The following FHIT variants were observed in gnomAD, a reference collection of about 807,000 sequenced individuals.
FHIT encodes the protein fragile histidine triad diadenosine triphosphatase.
In FHIT, 19 loss-of-function variants were observed where a neutral mutation model predicts 17.9. That is an observed-to-expected ratio of 1.06 (90% CI 0.74 to 1.56). The LOEUF (loss-of-function observed/expected upper bound fraction) is 1.56, where lower values mean the gene tolerates loss of function less well. Ranked by LOEUF, FHIT falls within the 40% of genes most tolerant of loss-of-function variation. FHIT has a pLI of 0.00. For synonymous variants in FHIT, 81 were observed against 69.7 expected (o/e 1.16, Z -0.81); for missense variants, 248 against 189.2 (o/e 1.31, Z -1.82).
At chr3:60,002,110 G>A (rs747204209) in intron 7 of FHIT, among the ~76,000 whole-genome samples, 8 of 152,034 alleles carry the variant, frequency 5.3e-5, no homozygotes, top group Non-Finnish European at 1.2e-4. Flanking sequence ...AACCACCCTA[G>A]GCAGGGTCAA....
In FHIT at chr3:60,807,694, C is replaced by T. The variant is rs990321352; in HGVS notation, c.-18+14225G>A. On this transcript the variant is annotated intron_variant, in intron 4 of 9. Transcript: ENST00000492590. ...TCATTGCTGGCAAAAGCAAAGTGAT[C>T]GATTGTCACCACCCTGTTTGTCCCC... Among the ~76,000 whole-genome samples, 9 of 152,148 alleles carry T rather than the reference C, an allele frequency of 5.9e-5. No individual in the cohort carries two copies. The South Asian group carries it at 1.0e-3, about 18-fold the overall frequency.
Position 60,474,108 on chromosome 3 carries a change from G to T in FHIT, c.103+62752C>A, listed in dbSNP as rs181436894. 2.9e-3 allele frequency among the ~76,000 whole-genome samples: 435 copies of T among 152,228 alleles called. 3 individuals are homozygous for T. Among genetic ancestry groups the T allele is most frequent in the African/African-American group, 9.4e-3 (389 of 41,542 alleles). On this transcript the variant is annotated intron_variant, in intron 5 of 9. Coordinates refer to ENST00000492590, the MANE Select transcript of FHIT (RefSeq NM_002012.4). ...CCAGCAGTGACACAATCAGGACAGG[G>T]AATGTGTCTGCTTACCCAGCAATCA...
intron 4 of FHIT, chr3:60,537,610 C>A (rs563744622): frequency 4.5e-4 from 89 of 197,284 alleles, no homozygotes; most frequent in African/African-American, 2.1e-3. Flanking sequence ...GGCCACAAAG[C>A]AGCAAGGTAC....
Position 61,251,356 on chromosome 3 carries a change from G to C in FHIT, c.-268C>G, listed in dbSNP as rs1347642818. The C allele has an allele frequency of 6.5e-6, 1 of 153,080 alleles. No individual in the cohort carries two copies. The highest frequency in any genetic ancestry group is 1.5e-5 in the Non-Finnish European group (1 of 68,728). 9.5% of individuals were successfully genotyped at this position (153,080 alleles called of 1,614,324 possible). A position where few individuals can be genotyped will look rare whatever the true frequency, so the allele number is the denominator to read the frequency against. On this transcript the variant is annotated 5_prime_UTR_variant, in exon 1 of 10. Transcript: ENST00000492590. The stretch of plus-strand genomic sequence containing the variant: ...GGCAGAGGGAGGGAGCGCGGGGCCG[G>C]AGCGCCGCCTGGGAGTGTGCCCACT...
intron 2 of FHIT, among the ~76,000 whole-genome samples, chr3:61,117,934 C>A (rs552198645): frequency 6.6e-6 from 1 of 152,208 alleles, no homozygotes; most frequent in Non-Finnish European, 1.5e-5. Flanking sequence ...CAGGATGGGG[C>A]ACTCTTTTGA....
chr3:60,235,372 A>C (rs945640344), intron 5 of FHIT, among the ~76,000 whole-genome samples: 3 of 151,770 alleles, frequency 2.0e-5, no homozygotes, highest in African/African-American at 7.3e-5. Context: ...CTGGGATTAC[A>C]GGCACCCATA....
At chr3:60,147,538 G>C (rs1430085778) in intron 5 of FHIT, among the ~76,000 whole-genome samples, 1 of 152,190 alleles carries the variant, frequency 6.6e-6, no homozygotes, top group East Asian at 1.9e-4. Flanking sequence ...AGGTAGGGAT[G>C]CAGCAGACTC....
At chr3:60,635,343 C>T (rs561865745) in intron 4 of FHIT, among the ~76,000 whole-genome samples, 4 of 152,332 alleles carry the variant, frequency 2.6e-5, no homozygotes, top group Admixed American at 2.0e-4. Context: ...GCATCTCCCT[C>T]GTAAACCGCA....
rs1225268114 is a variant in FHIT at position 60,381,386 on chromosome 3, G to A, written c.103+155474C>T. Among the ~76,000 whole-genome samples, 3 of 151,914 alleles carry A rather than the reference G, an allele frequency of 2.0e-5. No homozygotes were observed. The East Asian group carries it at 5.8e-4, about 29-fold the overall frequency. On this transcript the variant is annotated intron_variant, in intron 5 of 9. Transcript: ENST00000492590. The stretch of plus-strand genomic sequence containing the variant: ...CCAGCTACATGGGGGGCTAAGGCAG[G>A]AGAATTGCTTGAACCTGGGAAGTGG...
intron 5 of FHIT, among the ~76,000 whole-genome samples, chr3:60,448,319 T>G (rs931290152): frequency 1.6e-4 from 25 of 152,112 alleles, no homozygotes; most frequent in African/African-American, 5.8e-4. Context: ...AGTGTTAAGA[T>G]GGAGTCAAAA....
chr3:60,346,132 G>T (rs1710766362), intron 5 of FHIT, among the ~76,000 whole-genome samples: 1 of 152,140 alleles, frequency 6.6e-6, no homozygotes, highest in Non-Finnish European at 1.5e-5. Flanking sequence ...GCCCATGTCT[G>T]CGCCCAAATA....
chr3:60,407,888 C>G (rs1401153074), intron 5 of FHIT, among the ~76,000 whole-genome samples: 1 of 152,120 alleles, frequency 6.6e-6, no homozygotes, highest in Admixed American at 6.6e-5. Flanking sequence ...TTTCTCTTCC[C>G]TTTGATGAAC....
chr3:59,867,752 T>C (rs888326566), intron 8 of FHIT, among the ~76,000 whole-genome samples: 1 of 152,130 alleles, frequency 6.6e-6, no homozygotes, highest in Non-Finnish European at 1.5e-5. Context: ...ATGTACTCCC[T>C]AGACTTTTGA....
At chr3:61,070,794 C>A (rs1036099276) in intron 2 of FHIT, among the ~76,000 whole-genome samples, 4 of 152,106 alleles carry the variant, frequency 2.6e-5, no homozygotes, top group African/African-American at 7.2e-5. Context: ...CCCAGTCTTA[C>A]GATGGTGCAG....
intron 5 of FHIT, among the ~76,000 whole-genome samples, chr3:60,474,038 A>G (rs1006141876): frequency 3.3e-5 from 5 of 152,178 alleles, no homozygotes; most frequent in African/African-American, 9.7e-5. Flanking sequence ...CAGAACTAGA[A>G]AAAAAGACAT....
chr3:60,918,154 G>T (rs7637834), intron 3 of FHIT, among the ~76,000 whole-genome samples: 1 of 152,012 alleles, frequency 6.6e-6, no homozygotes, highest in Non-Finnish European at 1.5e-5. Context: ...GCCATGTAAG[G>T]CATGCCTTTC....
At chr3:60,436,933 G>T (rs1179377148) in intron 5 of FHIT, among the ~76,000 whole-genome samples, 1 of 152,014 alleles carries the variant, frequency 6.6e-6, no homozygotes, top group Non-Finnish European at 1.5e-5. Context: ...AAAATGTTTT[G>T]CTGTGAATTA....
intron 7 of FHIT, among the ~76,000 whole-genome samples, chr3:59,961,450 C>T (rs1707676378): frequency 6.6e-6 from 1 of 152,294 alleles, no homozygotes; most frequent in African/African-American, 2.4e-5. Flanking sequence ...CTGAAATCCA[C>T]TGATGTACGG....
At chr3:60,114,632 T>C (rs185427548) in intron 5 of FHIT, among the ~76,000 whole-genome samples, 258 of 151,672 alleles carry the variant, frequency 1.7e-3, no homozygotes, top group African/African-American at 5.9e-3. Context: ...CAGCTGGGAC[T>C]ACAGGTTCAT....
Sources: gnomAD v4.1 joint callset for allele counts (sites outside exome capture counted in the v4.1 genomes callset) on GRCh38, gnomAD v4.1.1 for gene constraint, MANE v1.5 for transcripts, NCBI Gene and HGNC (gene_info 2026-07-23, HGNC 2026-07-21) for gene names.